Variants in HAS3 observed in about 807,000 individuals in gnomAD.
HAS3 encodes the protein HA synthase 3.
A neutral mutation model predicts 50.3 loss-of-function variants in HAS3; 27 were observed. The observed-to-expected ratio is 0.54, with a 90% CI of 0.40 to 0.74. HAS3 has a LOEUF of 0.74. Ranked by LOEUF, HAS3 falls within the 30% of genes least tolerant of loss-of-function variation. The pLI, the probability that HAS3 is intolerant of heterozygous loss-of-function variation, is 0.00. For synonymous variants in HAS3, 339 were observed against 310.9 expected, an observed-to-expected ratio of 1.09 and a Z score of -0.95; for missense variants, 517 against 742.8, an observed-to-expected ratio of 0.70 and a Z score of 3.53.
At position 69,117,315 on chromosome 16, in the gene HAS3, T is replaced by C. The variant is rs1961226773; in HGVS notation, c.*2049T>C. ...TCCTACCATCAGCTCTGCCTTGCAC[T>C]GTGGTCGTCAACTTTCCTCAAATCA... On this transcript the variant is annotated 3_prime_UTR_variant, in exon 4 of 4. Coordinates refer to ENST00000569188, the MANE Select transcript of HAS3 (RefSeq NM_001199280.2). 1 of 985,890 alleles carries C rather than the reference T, an allele frequency of 1.0e-6. No homozygotes were observed. The highest frequency in any genetic ancestry group is 1.2e-6 in the Non-Finnish European group (1 of 829,942). The allele number at this position is 985,890 out of a possible 1,614,324, so 61.1% of individuals were successfully genotyped here. A position where few individuals can be genotyped will look rare whatever the true frequency, so the allele number is the denominator to read the frequency against.
chr16:69,118,682 A>ACAT, downstream of HAS3: 2 of 670,546 alleles, frequency 3.0e-6, no homozygotes, highest in Non-Finnish European at 2.7e-6. Context: ...GCCACAAATA[A>ACAT]CATCTCACCT....
At chr16:69,083,675 G>C in the HAS3 span, 1 of 1,551,020 alleles carries the variant, frequency 6.4e-7, no homozygotes, top group Non-Finnish European at 8.7e-7. Context: ...TGGCTCCAAG[G>C]ACGTGGAGGA....
At chr16:69,092,600 C>CA in the HAS3 span, among the ~76,000 whole-genome samples, 3,368 of 99,318 alleles carry the variant, frequency 0.034, 55 homozygotes, top group Middle Eastern at 0.063. Context: ...AACTCCGTCT[C>CA]AAAAAAAAAA....
intron 2 of HAS3, among the ~76,000 whole-genome samples, chr16:69,111,532 C>A (rs1243136610): frequency 3.3e-5 from 5 of 152,230 alleles, no homozygotes; most frequent in Non-Finnish European, 7.3e-5. Context: ...AGTCTGCTGA[C>A]AGCATTTTGA....
the HAS3 span, among the ~76,000 whole-genome samples, chr16:69,090,982 A>G: frequency 6.6e-6 from 1 of 152,130 alleles, no homozygotes; most frequent in South Asian, 2.1e-4. Context: ...AGATTACATG[A>G]CCAGTAAGGA....
At position 69,114,430 on chromosome 16, in the gene HAS3, T is replaced by C; in HGVS notation, c.826T>C (p.Tyr276His). The C allele has an allele frequency of 6.2e-7, 1 of 1,613,594 alleles. No homozygotes were observed. The highest frequency in any genetic ancestry group is 1.1e-5 in the South Asian group (1 of 91,078). ...CAACGTGGAGCGGGCCTGCCAGTCC[T>C]ACTTTGGCTGTGTGCAGTGTATTAG... ...AFNVERACQS[Y>H]FGCVQCISGP... Residue 276 changes from tyrosine to histidine, a missense_variant, in exon 4 of 4, where the codon TAC becomes CAC. Tyr to His is a moderately conservative substitution (Grantham distance 83). Transcript: ENST00000569188. This position sits in a 1 kb window ranked among gnomAD's most constrained non-coding sequence, Gnocchi z 6.4.
At chr16:69,084,737 A>G in the HAS3 span, 1 of 152,368 alleles carries the variant, frequency 6.6e-6, no homozygotes, top group Non-Finnish European at 1.5e-5. Context: ...TCAGCTTTGC[A>G]GGGCTAGGTA....
the HAS3 span, among the ~76,000 whole-genome samples, chr16:69,090,980 T>A: frequency 6.6e-6 from 1 of 152,156 alleles, no homozygotes; most frequent in Non-Finnish European, 1.5e-5. Context: ...CCAGATTACA[T>A]GACCAGTAAG....
chr16:69,105,073 T>C (rs1188994567), upstream of HAS3, among the ~76,000 whole-genome samples: 1 of 137,764 alleles, frequency 7.3e-6, no homozygotes, highest in East Asian at 2.3e-4. Context: ...AGTGGTGCGA[T>C]TTCAGCTCAC....
the HAS3 span, among the ~76,000 whole-genome samples, chr16:69,095,627 T>C: frequency 3.5e-4 from 53 of 152,006 alleles, 1 homozygote; most frequent in African/African-American, 9.9e-4. Context: ...GTTTTCAAAG[T>C]CTACTGTGCA....
the HAS3 span, chr16:69,084,516 A>C: frequency 6.6e-6 from 1 of 152,372 alleles, no homozygotes; most frequent in Non-Finnish European, 1.5e-5. Flanking sequence ...GCTGGAAAGA[A>C]TGCATGCTGG....
At chr16:69,100,025 A>C in the HAS3 span, among the ~76,000 whole-genome samples, 1 of 152,172 alleles carries the variant, frequency 6.6e-6, no homozygotes, top group Non-Finnish European at 1.5e-5. Context: ...CTTTGCCTCC[A>C]GCAGAGCAGA....
chr16:69,093,523 CTTTTTTTTTTT>C, the HAS3 span, among the ~76,000 whole-genome samples: 3 of 87,436 alleles, frequency 3.4e-5, no homozygotes, highest in African/African-American at 9.5e-5. Flanking sequence ...TACAGTGTAT[CTTTTTTTTTTT>C]TTTTTTTTTT....
chr16:69,117,631 CAAAAT>C lies in HAS3; in HGVS notation c.*2369_*2373del. On this transcript the variant is annotated 3_prime_UTR_variant, in exon 4 of 4. Coordinates refer to ENST00000569188, the MANE Select transcript of HAS3 (RefSeq NM_001199280.2). Reference sequence around the variant, plus strand: ...AGTTTTTTATACTGCACTTATTTGTCAAAATAAAGATTCTCACATATGCCGGTTAT... The same window carrying C: ...AGTTTTTTATACTGCACTTATTTGTCAAAGATTCTCACATATGCCGGTTAT... 1.1e-6 allele frequency: 1 copy of C among 906,944 alleles called. No individual in the cohort carries two copies. Among genetic ancestry groups the C allele is most frequent in the Non-Finnish European group, 1.3e-6 (1 of 763,004 alleles). The allele number at this position is 906,944 out of a possible 1,614,324, so 56.2% of individuals were successfully genotyped here. A position where few individuals can be genotyped will look rare whatever the true frequency, so the allele number is the denominator to read the frequency against.
chr16:69,100,037 G>T, the HAS3 span, among the ~76,000 whole-genome samples: 39 of 152,274 alleles, frequency 2.6e-4, no homozygotes, highest in African/African-American at 8.9e-4. Flanking sequence ...CAGAGCAGAG[G>T]CCCCTTAATT....
chr16:69,115,347 G>T lies in HAS3; in HGVS notation c.*81G>T. ...GGAAGAGAAAAGACAGGGTGGGAGGGAGGAGGGAGTGCTGTGTTTTAGTCT... is the reference window on the plus strand; with the variant it reads ...GGAAGAGAAAAGACAGGGTGGGAGGTAGGAGGGAGTGCTGTGTTTTAGTCT... On this transcript the variant is annotated 3_prime_UTR_variant, in exon 4 of 4. Transcript: ENST00000569188. 1 of 1,466,246 alleles carries T rather than the reference G, an allele frequency of 6.8e-7. No individual in the cohort carries two copies. The highest frequency in any genetic ancestry group is 9.0e-7 in the Non-Finnish European group (1 of 1,114,838). 90.8% of individuals were successfully genotyped at this position (1,466,246 alleles called of 1,614,324 possible). A position where few individuals can be genotyped will look rare whatever the true frequency, so the allele number is the denominator to read the frequency against.
chr16:69,109,663 T>G lies in HAS3; in HGVS notation c.268T>G (p.Cys90Gly). Residue 90 changes from cysteine to glycine, a missense_variant, in exon 2 of 4, where the codon TGC (cysteine) becomes GGC (glycine). Physicochemically the swap from Cys to Gly is radical, Grantham distance 159. Coordinates refer to ENST00000569188, the MANE Select transcript of HAS3 (RefSeq NM_001199280.2). The surrounding 1 kb of genome is among the most constrained non-coding windows in gnomAD (Gnocchi z 5.3). ...PSPRRGSVAL[C>G]IAAYQEDPDY... ...CCCGCGGCGGGGCTCGGTGGCACTG[T>G]GCATTGCCGCATACCAGGAGGACCC... is the stretch of plus-strand genomic sequence containing the variant. 6.2e-7 allele frequency: 1 copy of G among 1,610,170 alleles called. No homozygotes were observed. Among genetic ancestry groups the G allele is most frequent in the Non-Finnish European group, 8.5e-7 (1 of 1,179,886 alleles).
At chr16:69,108,705 C>T (rs954979913) in intron 1 of HAS3, among the ~76,000 whole-genome samples, 1 of 152,158 alleles carries the variant, frequency 6.6e-6, no homozygotes, top group Non-Finnish European at 1.5e-5. Flanking sequence ...CCTGGTCTGC[C>T]TCTCCCCCTG....
the HAS3 span, among the ~76,000 whole-genome samples, chr16:69,090,035 C>G: frequency 6.6e-6 from 1 of 152,272 alleles, no homozygotes; most frequent in South Asian, 2.1e-4. Context: ...CAGCCAGGAG[C>G]CTGTTTACTA....
Sources: allele counts gnomAD v4.1 joint callset (sites outside exome capture counted in the v4.1 genomes callset), GRCh38; gene constraint gnomAD v4.1.1; non-coding constraint Gnocchi (gnomAD v3.1); transcripts MANE v1.5; gene names NCBI Gene and HGNC (gene_info 2026-07-23, HGNC 2026-07-21).